The following PRELID2 variants were observed in gnomAD, a reference collection of about 807,000 sequenced individuals.
The protein encoded by PRELID2 is PRELI domain containing 2.
In PRELID2, 25 loss-of-function variants were observed where a neutral mutation model predicts 28.4. The ratio of observed to expected loss-of-function variants is 0.88; its 90% CI spans 0.64 to 1.23. The LOEUF (loss-of-function observed/expected upper bound fraction) is 1.23, where lower values mean the gene tolerates loss of function less well. Ranked by LOEUF, PRELID2 falls within the 50% of genes most tolerant of loss-of-function variation. PRELID2 has a pLI of 0.00. For missense variants in PRELID2, 201 were observed against 214.4 expected (o/e 0.94, Z 0.39); for synonymous variants, 76 against 71.6 (o/e 1.06, Z -0.31).
chr5:145,544,682 T>G (rs1243347845), intron 1 of PRELID2, among the ~76,000 whole-genome samples: 1 of 152,126 alleles, frequency 6.6e-6, no homozygotes, highest in African/African-American at 2.4e-5. Flanking sequence ...CCCATAAAAT[T>G]AAATACAGTT....
chr5:145,807,315 T>C (rs991187832), intron 4 of PRELID2, among the ~76,000 whole-genome samples: 1 of 152,222 alleles, frequency 6.6e-6, no homozygotes, highest in Non-Finnish European at 1.5e-5. Flanking sequence ...TGATTGTTTC[T>C]AGCTCAATTA....
At chr5:145,322,190 TACA>T in the PRELID2 span, among the ~76,000 whole-genome samples, 1 of 152,200 alleles carries the variant, frequency 6.6e-6, no homozygotes, top group Non-Finnish European at 1.5e-5. Context: ...TTAACCATAA[TACA>T]TCTCCTTACC....
chr5:145,432,369 C>T, the PRELID2 span, among the ~76,000 whole-genome samples: 2 of 148,270 alleles, frequency 1.3e-5, no homozygotes, highest in Admixed American at 6.8e-5. Flanking sequence ...ATTCAGTCTT[C>T]TGAGTCAAGC....
chr5:145,766,579 A>G (rs1048450743), intron 5 of PRELID2, among the ~76,000 whole-genome samples: 1 of 152,216 alleles, frequency 6.6e-6, no homozygotes, highest in African/African-American at 2.4e-5. Context: ...CCATCACCAC[A>G]AATACTACCG....
In PRELID2 at chr5:145,740,818, AT is replaced by A. The variant is rs1193254690; in HGVS notation, n.70+24112del. ...ATACATATATGTATATACATTATAC[AT>A]ATATACAAATATATATTTATCGATA... is the stretch of plus-strand genomic sequence containing the variant. On this transcript the variant is annotated intron_variant and non_coding_transcript_variant, in intron 1 of 2. Transcript: ENST00000510259. Among the ~76,000 whole-genome samples the A allele has an allele frequency of 1.7e-4, 20 of 115,812 alleles. 3 individuals are homozygous for A. The East Asian group carries it at 5.0e-3, about 29-fold the overall frequency. 76.0% of individuals were successfully genotyped at this position (115,812 alleles called of 152,430 possible).
At chr5:145,619,249 A>C (rs1028034864) in intron 1 of PRELID2, among the ~76,000 whole-genome samples, 1 of 152,182 alleles carries the variant, frequency 6.6e-6, no homozygotes, top group African/African-American at 2.4e-5. Context: ...AAAAGCTACA[A>C]GACTCAGCTG....
At chr5:145,240,687 G>A in the PRELID2 span, among the ~76,000 whole-genome samples, 1 of 152,006 alleles carries the variant, frequency 6.6e-6, no homozygotes, top group South Asian at 2.1e-4. Flanking sequence ...GAATTGCTGG[G>A]CCAAAGGGCA....
At position 145,676,123 on chromosome 5, in the gene PRELID2, G is replaced by T. The variant is rs533414549; in HGVS notation, n.70+88808C>A. On this transcript the variant is annotated intron_variant and non_coding_transcript_variant, in intron 1 of 2. Transcript: ENST00000510259. ...TAATCCCAGCTACTAGAGAGGCTGA[G>T]GTAGGAGAATCGCTTGAACTTGGGA... 3.3e-4 allele frequency among the ~76,000 whole-genome samples: 50 copies of T among 151,808 alleles called. No individual in the cohort carries two copies. The South Asian group carries it at 5.0e-3, about 15-fold the overall frequency.
the PRELID2 span, among the ~76,000 whole-genome samples, chr5:145,283,016 G>A: frequency 1.3e-5 from 2 of 152,150 alleles, no homozygotes; most frequent in Non-Finnish European, 2.9e-5. Context: ...AGATGGAAGA[G>A]AGTTTCAAAA....
chr5:145,277,969 C>A, the PRELID2 span, among the ~76,000 whole-genome samples: 5 of 152,272 alleles, frequency 3.3e-5, no homozygotes, highest in Middle Eastern at 3.4e-3. Flanking sequence ...GAGTCTGCTT[C>A]CGGGAAACCC....
intron 1 of PRELID2, among the ~76,000 whole-genome samples, chr5:145,660,285 A>G (rs1319007575): frequency 6.6e-6 from 1 of 152,112 alleles, no homozygotes; most frequent in African/African-American, 2.4e-5. Context: ...TTTCTTTTCT[A>G]AATTATGAAG....
intron 1 of PRELID2, among the ~76,000 whole-genome samples, chr5:145,567,639 A>G (rs1752978533): frequency 6.6e-6 from 1 of 152,080 alleles, no homozygotes; most frequent in African/African-American, 2.4e-5. Flanking sequence ...CAGCCTCCCA[A>G]AGTGCTGGGA....
chr5:145,483,946 A>C (rs1752189741), intron 1 of PRELID2, among the ~76,000 whole-genome samples: 1 of 152,216 alleles, frequency 6.6e-6, no homozygotes, highest in African/African-American at 2.4e-5. Context: ...CCTGACATAT[A>C]ATAACTCTTC....
chr5:145,598,773 AAAG>A (rs1260943335), intron 1 of PRELID2, among the ~76,000 whole-genome samples: 1 of 152,190 alleles, frequency 6.6e-6, no homozygotes, highest in Non-Finnish European at 1.5e-5. Context: ...AAACAAGAAA[AAAG>A]AAGAATATAT....
chr5:145,628,860 G>A (rs546405002), intron 1 of PRELID2, among the ~76,000 whole-genome samples: 5 of 152,244 alleles, frequency 3.3e-5, no homozygotes, highest in East Asian at 1.9e-4. Context: ...CACAGCCCAC[G>A]TGGAAAACGG....
At chr5:145,754,860 T>G (rs1045794689), downstream of PRELID2, among the ~76,000 whole-genome samples, 16 of 152,298 alleles carry the variant, frequency 1.1e-4, no homozygotes, top group African/African-American at 3.4e-4. Flanking sequence ...TGTGCCCCAG[T>G]TGAAGAGGAT....
At chr5:145,564,859 CAGG>C (rs2126697060) in intron 1 of PRELID2, among the ~76,000 whole-genome samples, 1 of 152,316 alleles carries the variant, frequency 6.6e-6, no homozygotes, top group East Asian at 1.9e-4. Flanking sequence ...GAGAAAGCTT[CAGG>C]AGACTTCCAT....
chr5:145,690,152 C>T (rs1560685), intron 1 of PRELID2, among the ~76,000 whole-genome samples: 10,429 of 151,896 alleles, frequency 0.069, 555 homozygotes, highest in Admixed American at 0.18. Flanking sequence ...AAACCACGCC[C>T]GGCTACTTTT....
chr5:145,451,760 T>A, the PRELID2 span, among the ~76,000 whole-genome samples: 1 of 152,224 alleles, frequency 6.6e-6, no homozygotes, highest in Non-Finnish European at 1.5e-5. Flanking sequence ...CCCTTCATTA[T>A]TTTTTAAAGT....
Sources: allele counts gnomAD v4.1 joint callset (sites outside exome capture counted in the v4.1 genomes callset), GRCh38; gene constraint gnomAD v4.1.1; transcripts MANE v1.5; gene names NCBI Gene and HGNC (gene_info 2026-07-23, HGNC 2026-07-21).